SETBP1: variants seen among roughly 807,000 people sequenced by gnomAD.
SETBP1 encodes SET-binding protein.
SETBP1 carries 9 observed loss-of-function variants against 101.0 expected under a neutral mutation model. That is an observed-to-expected ratio of 0.09 (90% CI 0.05 to 0.16). SETBP1 has a LOEUF of 0.16. Among genes scored for constraint, SETBP1 ranks in the 10% least tolerant of loss-of-function variants. The pLI is 1.00. For synonymous variants in SETBP1, 818 were observed against 788.5 expected (o/e 1.04, Z -0.63); for missense variants, 1,858 against 2,033.8 (o/e 0.91, Z 1.66).
chr18:44,957,948 G>A (rs1028529295), intron 4 of SETBP1, among the ~76,000 whole-genome samples: 1 of 152,134 alleles, frequency 6.6e-6, no homozygotes, highest in Non-Finnish European at 1.5e-5. Context: ...CCTCTTGTGG[G>A]AGGAAATGAA....
At chr18:44,914,212 C>T (rs757478179) in intron 3 of SETBP1, among the ~76,000 whole-genome samples, 6 of 152,160 alleles carry the variant, frequency 3.9e-5, no homozygotes, top group East Asian at 1.9e-4. Context: ...ACTGCAGTGT[C>T]GTGAGTTACC....
intron 4 of SETBP1, among the ~76,000 whole-genome samples, chr18:44,998,061 A>G (rs969080326): frequency 1.3e-5 from 2 of 152,232 alleles, no homozygotes; most frequent in African/African-American, 4.8e-5. Flanking sequence ...GAGGCCGTTT[A>G]GCAGCCCCTG....
intron 2 of SETBP1, among the ~76,000 whole-genome samples, chr18:44,846,979 A>C (rs2072737386): frequency 6.6e-6 from 1 of 152,170 alleles, no homozygotes; most frequent in South Asian, 2.1e-4. Context: ...AGAGCTCTAT[A>C]ATGGCAGGGG....
At chr18:44,989,138 C>T (rs1218728958) in intron 4 of SETBP1, 1 of 152,058 alleles carries the variant, frequency 6.6e-6, no homozygotes, top group East Asian at 1.9e-4. Flanking sequence ...TAAAATTAGA[C>T]CCACTATATC....
intron 5 of SETBP1, among the ~76,000 whole-genome samples, chr18:45,039,969 C>T (rs951926944): frequency 3.3e-5 from 5 of 152,186 alleles, no homozygotes; most frequent in African/African-American, 1.2e-4. Flanking sequence ...TGCTGCCTTA[C>T]CCCTGGTTCC....
chr18:44,710,450 G>GGTT lies in SETBP1; in HGVS notation c.486+8618_486+8619insGTT, dbSNP rs1555671140. 4.1e-5 allele frequency among the ~76,000 whole-genome samples: 5 copies of GGTT among 123,404 alleles called. No individual in the cohort carries two copies. The South Asian group carries it at 8.1e-4, about 20-fold the overall frequency. 81.0% of individuals were successfully genotyped at this position (123,404 alleles called of 152,430 possible). A position where few individuals can be genotyped will look rare whatever the true frequency, so the allele number is the denominator to read the frequency against. Reference sequence around the variant, plus strand: ...GGCCTTGAAGCCATGCATTTTAGGAGTTTTTTTTTTTTTTTTTTTGAGATG... The same window carrying GGTT: ...GGCCTTGAAGCCATGCATTTTAGGAGGTTTTTTTTTTTTTTTTTTTTTGAGATG... On this transcript the variant is annotated intron_variant, in intron 2 of 5. Transcript: ENST00000649279.
intron 2 of SETBP1, among the ~76,000 whole-genome samples, chr18:44,733,627 G>A (rs776916181): frequency 7.1e-4 from 108 of 152,248 alleles, no homozygotes; most frequent in Non-Finnish European, 1.3e-3. Context: ...AAACCACTAC[G>A]TGGCTGATTT....
intron 4 of SETBP1, among the ~76,000 whole-genome samples, chr18:44,997,488 G>A (rs945896364): frequency 6.6e-6 from 1 of 152,166 alleles, no homozygotes; most frequent in African/African-American, 2.4e-5. Flanking sequence ...AGATGCAACT[G>A]AAGACAAAAC....
At position 44,950,309 on chromosome 18, in the gene SETBP1, G is replaced by A. The variant is rs138913968; in HGVS notation, c.969G>A (p.Lys323=). 436 of 1,613,898 alleles carry A rather than the reference G, an allele frequency of 2.7e-4. 1 individual carries two copies. The highest frequency in any genetic ancestry group is 3.5e-4 in the Non-Finnish European group (413 of 1,180,042). Residue 323 remains lysine (K), a synonymous_variant, in exon 4 of 6, where the codon AAG becomes AAA. Transcript: ENST00000649279. ...PLVDQDGGGT[K]EPPEPPTVGS... ...TGGATCAAGATGGAGGAGGTACAAA[G>A]GAGCCCCCAGAACCACCTACGGTGG... is the stretch of plus-strand genomic sequence containing the variant.
chr18:44,958,202 G>A (rs1183900484), intron 4 of SETBP1, among the ~76,000 whole-genome samples: 1 of 152,220 alleles, frequency 6.6e-6, no homozygotes, highest in Non-Finnish European at 1.5e-5. Flanking sequence ...ACAGGCAGTA[G>A]TTACAAAGTA....
At chr18:45,013,509 G>A (rs963262736) in intron 4 of SETBP1, among the ~76,000 whole-genome samples, 26 of 151,802 alleles carry the variant, frequency 1.7e-4, no homozygotes, top group African/African-American at 6.3e-4. Flanking sequence ...GTGTGACCTG[G>A]GCTCATCGCA....
chr18:44,851,822 C>G (rs1360818999), intron 2 of SETBP1, among the ~76,000 whole-genome samples: 1 of 152,304 alleles, frequency 6.6e-6, no homozygotes, highest in East Asian at 1.9e-4. Context: ...GAGGTGAAAC[C>G]TGGGCCATGG....
In SETBP1 at chr18:44,868,708, AAGG is replaced by A. The variant is rs1568190519; in HGVS notation, c.487-521_487-519del. Among the ~76,000 whole-genome samples the A allele has an allele frequency of 1.9e-3, 12 of 6,184 alleles. No individual in the cohort carries two copies. In the East Asian group the frequency reaches 0.021, roughly 11 times the overall value. The allele number at this position is 6,184 out of a possible 152,430, so 4.1% of individuals were successfully genotyped here. ...AGAGAGAGAGAGAGAGGACGGAAGG[AAGG>A]GAGGAAGGAAGGAAGGAAGGAAGGA... On this transcript the variant is annotated intron_variant, in intron 2 of 5. Coordinates refer to ENST00000649279, the MANE Select transcript of SETBP1 (RefSeq NM_015559.3).
chr18:44,976,220 G>A (rs952082411), intron 4 of SETBP1, among the ~76,000 whole-genome samples: 2 of 152,122 alleles, frequency 1.3e-5, no homozygotes, highest in African/African-American at 4.8e-5. Context: ...CAGGCGGCAG[G>A]TGCTGAGGAA....
At chr18:44,789,116 A>C (rs2071313935) in intron 2 of SETBP1, among the ~76,000 whole-genome samples, 1 of 152,104 alleles carries the variant, frequency 6.6e-6, no homozygotes. Context: ...TCCTGTTTTA[A>C]AACATGATTT....
intron 3 of SETBP1, among the ~76,000 whole-genome samples, chr18:44,900,665 T>A (rs2070023558): frequency 6.6e-6 from 1 of 152,200 alleles, no homozygotes; most frequent in South Asian, 2.1e-4. Context: ...CAGCATCCTC[T>A]GGGGACTTGT....
At chr18:44,717,432 G>A (rs1034255609) in intron 2 of SETBP1, among the ~76,000 whole-genome samples, 8 of 152,178 alleles carry the variant, frequency 5.3e-5, no homozygotes, top group African/African-American at 1.4e-4. Flanking sequence ...GATGAAACTT[G>A]TCTCAACAGA....
chr18:44,835,330 T>C lies in SETBP1; in HGVS notation c.487-33900T>C, dbSNP rs144336243. On this transcript the variant is annotated intron_variant, in intron 2 of 5. Coordinates refer to ENST00000649279, the MANE Select transcript of SETBP1 (RefSeq NM_015559.3). ...TCAAACTAAGCCAGCCTTCAAAGGT[T>C]TGTGAAGGAGGCAGCGTCGTGTTTG... 8.5e-5 allele frequency among the ~76,000 whole-genome samples: 13 copies of C among 152,222 alleles called. No individual in the cohort carries two copies. In the East Asian group the frequency reaches 2.1e-3, roughly 25 times the overall value.
chr18:44,882,819 G>A (rs1290630339), intron 3 of SETBP1, among the ~76,000 whole-genome samples: 9 of 152,086 alleles, frequency 5.9e-5, no homozygotes, highest in Admixed American at 3.9e-4. Flanking sequence ...CTAGGCGGGG[G>A]TGTGTGTGTG....
Sources: allele counts gnomAD v4.1 joint callset (sites outside exome capture counted in the v4.1 genomes callset), GRCh38; gene constraint gnomAD v4.1.1; transcripts MANE v1.5; gene names NCBI Gene and HGNC (gene_info 2026-07-23, HGNC 2026-07-21).